The following MPDZ variants were observed in gnomAD, a reference collection of about 807,000 sequenced individuals.
MPDZ encodes the protein multiple PDZ domain crumbs cell polarity complex component.
In MPDZ, 234 loss-of-function variants were observed where a neutral mutation model predicts 239.1. The ratio of observed to expected loss-of-function variants is 0.98; its 90% CI spans 0.88 to 1.09. The LOEUF (loss-of-function observed/expected upper bound fraction) is 1.09. Ranked by LOEUF, MPDZ falls within the 50% of genes least tolerant of loss-of-function variation. The pLI, the probability that MPDZ is intolerant of heterozygous loss-of-function variation, is 0.00. For missense variants in MPDZ, 3,175 were observed against 2,510.0 expected, an observed-to-expected ratio of 1.26 and a Z score of -5.66; for synonymous variants, 1,048 against 881.3, an observed-to-expected ratio of 1.19 and a Z score of -3.35.
At chr9:13,255,538 T>C (rs1271892775) in intron 1 of MPDZ, among the ~76,000 whole-genome samples, 2 of 152,228 alleles carry the variant, frequency 1.3e-5, no homozygotes, top group East Asian at 3.8e-4. Context: ...AAAGTCAAAA[T>C]TACTCTGTGG....
chr9:13,145,966 A>T (rs1948378646), intron 26 of MPDZ, among the ~76,000 whole-genome samples: 1 of 152,054 alleles, frequency 6.6e-6, no homozygotes, highest in Non-Finnish European at 1.5e-5. Context: ...CAAAAAAAAT[A>T]GCTTTAACTT....
chr9:13,111,182 T>C (rs974320976), intron 43 of MPDZ, among the ~76,000 whole-genome samples: 2 of 152,244 alleles, frequency 1.3e-5, no homozygotes, highest in African/African-American at 4.8e-5. Context: ...TAAAGTCTGG[T>C]TGGAAGACAG....
In MPDZ at chr9:13,106,988, C is replaced by G. The variant is rs1172984977; in HGVS notation, c.6190G>C (p.Val2064Leu). 1.2e-6 allele frequency: 2 copies of G among 1,613,532 alleles called. No individual in the cohort carries two copies. Among genetic ancestry groups the G allele is most frequent in the Non-Finnish European group, 1.7e-6 (2 of 1,179,632 alleles). ...VAILKRTKGT[V>L]TLMVLS ...ATTCAAGAGAGAACCATCAAAGTGA[C>G]AGTGCCTTTTGTCCGTTTAAGGATG... Residue 2064 changes from valine to leucine, a missense_variant, in exon 47 of 47, where the codon GTC (valine) becomes CTC (leucine). Coordinates refer to ENST00000319217, the MANE Select transcript of MPDZ (RefSeq NM_001378778.1).
At chr9:13,265,445 T>C (rs1309710228) in intron 1 of MPDZ, among the ~76,000 whole-genome samples, 2 of 152,170 alleles carry the variant, frequency 1.3e-5, no homozygotes, top group Non-Finnish European at 2.9e-5. Context: ...GGCGCATGCC[T>C]GTAATCCCAA....
At chr9:13,264,598 C>T (rs982144168) in intron 1 of MPDZ, among the ~76,000 whole-genome samples, 6 of 150,598 alleles carry the variant, frequency 4.0e-5, no homozygotes, top group East Asian at 1.9e-4. Context: ...TTAAACCAAT[C>T]GTTTATAGCC....
At chr9:13,243,906 A>G (rs1308628268) in intron 3 of MPDZ, among the ~76,000 whole-genome samples, 1 of 152,220 alleles carries the variant, frequency 6.6e-6, no homozygotes, top group East Asian at 1.9e-4. Context: ...AAGGTCACTG[A>G]CGAGGAGAGA....
intron 1 of MPDZ, chr9:13,278,993 G>GC (rs1446714672): frequency 6.6e-6 from 1 of 151,564 alleles, no homozygotes; most frequent in Admixed American, 6.6e-5. Flanking sequence ...CCAAGACTGT[G>GC]CCCCTCTGGG....
At chr9:13,144,595 G>A (rs1182186350) in intron 26 of MPDZ, among the ~76,000 whole-genome samples, 3 of 152,050 alleles carry the variant, frequency 2.0e-5, no homozygotes, top group East Asian at 3.9e-4. Context: ...CAGGCATCAA[G>A]TATAGGGAGA....
At chr9:13,145,855 T>TATTGAG (rs1370808806) in intron 26 of MPDZ, among the ~76,000 whole-genome samples, 9 of 151,982 alleles carry the variant, frequency 5.9e-5, no homozygotes, top group African/African-American at 2.2e-4. Context: ...TTTAAAGCAA[T>TATTGAG]ATTGAGAATC....
chr9:13,255,560 C>A (rs1969235257), intron 1 of MPDZ, among the ~76,000 whole-genome samples: 1 of 152,174 alleles, frequency 6.6e-6, no homozygotes, highest in African/African-American at 2.4e-5. Flanking sequence ...CCAGGGGCTG[C>A]AGAATGGATG....
chr9:13,119,731 C>T, intron 38 of MPDZ, 82 bp from the exon 39 acceptor site: 1 of 1,549,250 alleles, frequency 6.5e-7, no homozygotes. Context: ...ACGTTTTTAC[C>T]CAAAATTTTT....
intron 19 of MPDZ, 150 bp downstream of exon 19, chr9:13,183,268 G>T (rs1953614896): frequency 3.4e-6 from 2 of 591,796 alleles, no homozygotes; most frequent in African/African-American, 1.9e-5. Flanking sequence ...TTAGCTAAAT[G>T]AAATTGTACT....
chr9:13,268,152 T>TTTTATA (rs1554733077), intron 1 of MPDZ, among the ~76,000 whole-genome samples: 1 of 146,904 alleles, frequency 6.8e-6, no homozygotes. Flanking sequence ...AAAAGGAAAA[T>TTTTATA]TATATATATA....
chr9:13,215,945 GT>G (rs71331531), intron 10 of MPDZ, among the ~76,000 whole-genome samples: 11,653 of 82,606 alleles, frequency 0.14, 502 homozygotes, highest in South Asian at 0.2. Context: ...TCAGCAATTT[GT>G]TTTTTTTTTT....
intron 31 of MPDZ, chr9:13,135,437 T>C (rs186641096): frequency 6.6e-6 from 1 of 152,326 alleles, no homozygotes; most frequent in Admixed American, 6.5e-5. Context: ...AGGTCCTTGT[T>C]AACTGTTTCC....
intron 8 of MPDZ, 43 bp downstream of exon 8, chr9:13,219,516 G>GT (rs1442333027): frequency 1.3e-6 from 2 of 1,550,264 alleles, no homozygotes; most frequent in Non-Finnish European, 1.8e-6. Flanking sequence ...TCATCTAAGT[G>GT]TTATTTCTCT....
At chr9:13,227,813 A>G (rs1475772416) in intron 3 of MPDZ, among the ~76,000 whole-genome samples, 1 of 152,180 alleles carries the variant, frequency 6.6e-6, no homozygotes, top group African/African-American at 2.4e-5. Flanking sequence ...TGAGGTCTAC[A>G]TAAATGTAAA....
At chr9:13,153,255 T>C (rs1436809517) in intron 24 of MPDZ, among the ~76,000 whole-genome samples, 1 of 152,128 alleles carries the variant, frequency 6.6e-6, no homozygotes, top group Non-Finnish European at 1.5e-5. Flanking sequence ...CCAGTAACTC[T>C]TTTTCTTGAC....
chr9:13,198,117 T>C (rs1309325975), intron 12 of MPDZ, among the ~76,000 whole-genome samples: 1 of 152,106 alleles, frequency 6.6e-6, no homozygotes, highest in Non-Finnish European at 1.5e-5. Flanking sequence ...TACCCAAGAG[T>C]AGGACTGCTG....
Sources: gnomAD v4.1 joint callset for allele counts (sites outside exome capture counted in the v4.1 genomes callset) on GRCh38, gnomAD v4.1.1 for gene constraint, MANE v1.5 for transcripts, NCBI Gene and HGNC (gene_info 2026-07-23, HGNC 2026-07-21) for gene names.